Variants in JAK1 observed in about 807,000 individuals in gnomAD.
JAK1 encodes Janus kinase 1.
In JAK1, 16 loss-of-function variants were observed where a neutral mutation model predicts 136.6. That is an observed-to-expected ratio of 0.12 (90% confidence interval 0.08 to 0.18). The LOEUF (loss-of-function observed/expected upper bound fraction) is 0.18, where lower values mean the gene tolerates loss of function less well. JAK1 is among the 10% of genes least tolerant of loss of function. The pLI is 1.00. For missense variants in JAK1, 859 were observed against 1,450.1 expected, an observed-to-expected ratio of 0.59 and a Z score of 6.62; for synonymous variants, 492 against 519.5, an observed-to-expected ratio of 0.95 and a Z score of 0.72.
At chr1:64,900,944 G>A (rs529836320) in intron 1 of JAK1, among the ~76,000 whole-genome samples, 3 of 152,230 alleles carry the variant, frequency 2.0e-5, no homozygotes, top group African/African-American at 7.2e-5. Context: ...TCCTAGCTCA[G>A]GAATCATCTC....
chr1:64,953,377 C>T lies in JAK1; in HGVS notation c.-78+12956G>A, dbSNP rs370056587. Among the ~76,000 whole-genome samples, 54 of 152,174 alleles carry T rather than the reference C, an allele frequency of 3.5e-4. 5 individuals are homozygous for T. The highest frequency in any genetic ancestry group is 7.0e-4 in the African/African-American group (29 of 41,504). ...CAATTATGAGCCCAAAGTCACAGAG[C>T]TAGTAAGTGGCAGAGGACAGCCTCA... On this transcript the variant is annotated intron_variant, in intron 1 of 24. Transcript: ENST00000342505.
intron 1 of JAK1, among the ~76,000 whole-genome samples, chr1:64,947,589 C>A (rs1646009898): frequency 6.6e-6 from 1 of 151,598 alleles, no homozygotes; most frequent in South Asian, 2.1e-4. Context: ...ATGGGTCCTC[C>A]CCCAACCCCC....
At chr1:64,905,051 T>G (rs558614668) in intron 1 of JAK1, among the ~76,000 whole-genome samples, 1 of 152,132 alleles carries the variant, frequency 6.6e-6, no homozygotes, top group Non-Finnish European at 1.5e-5. Flanking sequence ...TGGAGGCCCC[T>G]TTCCTCAACT....
intron 1 of JAK1, among the ~76,000 whole-genome samples, chr1:64,946,473 T>A (rs1259168712): frequency 6.6e-6 from 1 of 152,238 alleles, no homozygotes; most frequent in Non-Finnish European, 1.5e-5. Context: ...TACATATTTA[T>A]GCATCATAGT....
At chr1:64,985,614 C>A in intron 2 of JAK1, 1 of 864,634 alleles carries the variant, frequency 1.2e-6, no homozygotes, top group Non-Finnish European at 1.9e-6. Context: ...AACAACAATG[C>A]CCAGCTGGTT....
chr1:64,950,356 G>A (rs915451274), intron 1 of JAK1, among the ~76,000 whole-genome samples: 1 of 150,978 alleles, frequency 6.6e-6, no homozygotes, highest in Admixed American at 6.6e-5. Context: ...GCAGTGAGCC[G>A]AGATCATGCC....
intron 7 of JAK1, among the ~76,000 whole-genome samples, chr1:64,866,470 T>G (rs1656713714): frequency 6.6e-6 from 1 of 152,258 alleles, no homozygotes; most frequent in Admixed American, 6.5e-5. Flanking sequence ...GGCAAATTTC[T>G]TAACTTCTCT....
rs192841262 is a variant in JAK1, at chr1:65,015,636, A to G, written c.-78+28844T>C. On this transcript the variant is annotated intron_variant, in intron 2 of 25. Coordinates refer to the JAK1 transcript ENST00000671954. ...GATTAAATACTTCAGTTAAAAGACA[A>G]AGCTTCTCGGACTGGAGAAAACTTA... Among the ~76,000 whole-genome samples the G allele has an allele frequency of 1.3e-3, 191 of 152,320 alleles. 2 individuals carry two copies. In the East Asian group the frequency reaches 0.036, roughly 29 times the overall value.
At chr1:64,991,164 G>T (rs562164035) in intron 2 of JAK1, 1 of 152,136 alleles carries the variant, frequency 6.6e-6, no homozygotes, top group Non-Finnish European at 1.5e-5. Context: ...CCAAACAGAA[G>T]TTTTGGAGCA....
chr1:64,923,042 CTG>C, intron 1 of JAK1, among the ~76,000 whole-genome samples: 1 of 152,190 alleles, frequency 6.6e-6, no homozygotes, highest in Non-Finnish European at 1.5e-5. Flanking sequence ...CAATGTGACT[CTG>C]TGGATAATAA....
At chr1:64,851,060 T>C in intron 11 of JAK1, 150 bp from the exon 12 acceptor site, 1 of 630,936 alleles carries the variant, frequency 1.6e-6, no homozygotes, top group Non-Finnish European at 2.9e-6. Context: ...GGCATATGGC[T>C]CCTACCCTCC....
chr1:64,995,727 T>C (rs1464377199), intron 2 of JAK1, among the ~76,000 whole-genome samples: 2 of 152,018 alleles, frequency 1.3e-5, no homozygotes, highest in Admixed American at 6.6e-5. Flanking sequence ...AGAAAAATGA[T>C]ATTGGCCTTT....
chr1:64,885,500 TC>T (rs1644837513), intron 2 of JAK1, among the ~76,000 whole-genome samples: 1 of 152,110 alleles, frequency 6.6e-6, no homozygotes, highest in African/African-American at 2.4e-5. Context: ...ATGCCTGTAA[TC>T]CCAGCACTTT....
At chr1:64,847,351 C>A (rs996528567) in intron 13 of JAK1, among the ~76,000 whole-genome samples, 181 bp downstream of exon 13, 3 of 152,112 alleles carry the variant, frequency 2.0e-5, no homozygotes, top group Admixed American at 6.5e-5. Context: ...GTTCAACCCA[C>A]CTCACTTACT....
At chr1:65,061,839 G>A (rs551995567) in intron 1 of JAK1, among the ~76,000 whole-genome samples, 7 of 152,158 alleles carry the variant, frequency 4.6e-5, no homozygotes, top group Non-Finnish European at 1.0e-4. Context: ...GCAGGTTACA[G>A]AATTTTTTTC....
intron 2 of JAK1, among the ~76,000 whole-genome samples, chr1:65,014,923 G>A (rs1261517403): frequency 2.0e-5 from 3 of 151,730 alleles, no homozygotes; most frequent in Non-Finnish European, 2.9e-5. Flanking sequence ...CTGACCTCGT[G>A]ATCCACCCGC....
chr1:65,050,782 C>A (rs1236530260), intron 1 of JAK1, among the ~76,000 whole-genome samples: 1 of 152,146 alleles, frequency 6.6e-6, no homozygotes, highest in Non-Finnish European at 1.5e-5. Context: ...CGAAGCCTCA[C>A]CTACTAATCA....
intron 2 of JAK1, among the ~76,000 whole-genome samples, chr1:65,003,179 A>G (rs1358246343): frequency 6.6e-6 from 1 of 152,050 alleles, no homozygotes; most frequent in Non-Finnish European, 1.5e-5. Context: ...TCCTCAGCCT[A>G]GAAAAGCGTG....
intron 1 of JAK1, among the ~76,000 whole-genome samples, chr1:64,891,370 C>T (rs1448212835): frequency 7.9e-5 from 12 of 152,152 alleles, no homozygotes; most frequent in Admixed American, 7.2e-4. Context: ...TTTTTTAGTA[C>T]TTTTCATAGT....
Sources: allele counts gnomAD v4.1 joint callset (sites outside exome capture counted in the v4.1 genomes callset), GRCh38; gene constraint gnomAD v4.1.1; transcripts MANE v1.5; gene names NCBI Gene and HGNC (gene_info 2026-07-23, HGNC 2026-07-21).